Variants in BTBD16 observed in about 807,000 individuals in gnomAD.
BTBD16 encodes BTB/POZ domain-containing protein 16.
Under a neutral mutation model 67.4 loss-of-function variants are expected in BTBD16, and 66 were observed. The ratio of observed to expected loss-of-function variants is 0.98; its 90% CI spans 0.80 to 1.20. BTBD16 has a LOEUF of 1.20. Ranked by LOEUF, BTBD16 falls within the 50% of genes most tolerant of loss-of-function variation. The pLI, the probability that BTBD16 is intolerant of heterozygous loss-of-function variation, is 0.00. For missense variants in BTBD16, 634 were observed against 616.0 expected (o/e 1.03, Z -0.31); for synonymous variants, 242 against 236.4 (o/e 1.02, Z -0.22).
intron 9 of BTBD16, among the ~76,000 whole-genome samples, chr10:122,304,940 C>T (rs1446161182): frequency 6.6e-6 from 1 of 152,126 alleles, no homozygotes; most frequent in African/African-American, 2.4e-5. Flanking sequence ...TAGGACCTGA[C>T]CCTGCCACAT....
chr10:122,283,616 G>T (rs768931975), intron 3 of BTBD16, among the ~76,000 whole-genome samples: 1 of 152,106 alleles, frequency 6.6e-6, no homozygotes, highest in South Asian at 2.1e-4. Flanking sequence ...ATATCTCCTC[G>T]GTAAGGCCTA....
intron 10 of BTBD16, among the ~76,000 whole-genome samples, chr10:122,320,599 C>A (rs1250025367): frequency 6.6e-6 from 1 of 152,020 alleles, no homozygotes; most frequent in African/African-American, 2.4e-5. Context: ...AAAATACTTT[C>A]TAATTTTCCC....
rs775870621 is a variant in BTBD16 at position 122,299,108 on chromosome 10, G to C, written c.765G>C (p.Leu255=). The change falls in exon 9 of 16, where the codon CTG becomes CTC. Residue 255 remains leucine (L), a synonymous_variant. Transcript: ENST00000260723. The part of the protein sequence containing the change: ...QIHLHKIPQD[L]LHKVLKSPRL... ...ACCTCCACAAAATCCCACAGGACCT[G>C]CTCCACAAAGTGCTGAAGTCCCCCA... 23 of 1,613,846 alleles carry C rather than the reference G, an allele frequency of 1.4e-5. No individual in the cohort carries two copies. In the East Asian group the frequency reaches 4.9e-4, roughly 34 times the overall value.
intron 10 of BTBD16, among the ~76,000 whole-genome samples, chr10:122,323,862 C>T (rs1363944790): frequency 6.6e-6 from 1 of 152,114 alleles, no homozygotes; most frequent in Non-Finnish European, 1.5e-5. Context: ...TGACCTTGGT[C>T]TTCTAGGTCT....
intron 3 of BTBD16, among the ~76,000 whole-genome samples, chr10:122,280,730 C>T (rs969171257): frequency 2.6e-5 from 4 of 152,034 alleles, no homozygotes; most frequent in Non-Finnish European, 2.9e-5. Context: ...GATGTTTATT[C>T]TGGAACAGGC....
intron 7 of BTBD16, chr10:122,294,004 C>A: frequency 2.6e-6 from 1 of 380,634 alleles, no homozygotes; most frequent in Non-Finnish European, 3.6e-6. Flanking sequence ...AATGCCAGAG[C>A]AGGAGGGGCT....
At chr10:122,280,482 G>A (rs184755024) in intron 3 of BTBD16, among the ~76,000 whole-genome samples, 15 of 152,178 alleles carry the variant, frequency 9.9e-5, no homozygotes, top group Admixed American at 9.8e-4. Flanking sequence ...CTTTCTGCCC[G>A]CAATGCCAAG....
chr10:122,298,558 G>C (rs1469357737), intron 8 of BTBD16, among the ~76,000 whole-genome samples: 1 of 152,156 alleles, frequency 6.6e-6, no homozygotes, highest in African/African-American at 2.4e-5. Flanking sequence ...TTCAATTCCT[G>C]CTTTTTGGGT....
chr10:122,307,353 A>G, intron 10 of BTBD16, 45 bp downstream of exon 10: 1 of 1,546,146 alleles, frequency 6.5e-7, no homozygotes, highest in Non-Finnish European at 8.8e-7. Context: ...AAATACTGAA[A>G]TGTACAAACA....
chr10:122,335,925 G>A (rs1199917975), intron 14 of BTBD16, among the ~76,000 whole-genome samples: 2 of 152,132 alleles, frequency 1.3e-5, no homozygotes, highest in African/African-American at 4.8e-5. Flanking sequence ...CTGCAGTGCA[G>A]TGGCACAATC....
chr10:122,315,428 G>A (rs1397123637), intron 10 of BTBD16, among the ~76,000 whole-genome samples: 3 of 152,042 alleles, frequency 2.0e-5, no homozygotes, highest in Non-Finnish European at 4.4e-5. Flanking sequence ...TAGAATTTTT[G>A]CCTATATATT....
At chr10:122,312,100 A>G (rs60588091) in intron 10 of BTBD16, among the ~76,000 whole-genome samples, 2,012 of 152,310 alleles carry the variant, frequency 0.013, 29 homozygotes, top group South Asian at 0.048. Context: ...GGTACACATA[A>G]TTATGTGCTT....
intron 4 of BTBD16, 134 bp downstream of exon 4, chr10:122,284,058 C>A (rs1378012732): frequency 6.0e-6 from 4 of 661,426 alleles, no homozygotes; most frequent in Non-Finnish European, 2.7e-6. Flanking sequence ...CACTTCCCAG[C>A]GTCTAAGAAA....
At chr10:122,320,927 C>T (rs1037605738) in intron 10 of BTBD16, among the ~76,000 whole-genome samples, 3 of 152,034 alleles carry the variant, frequency 2.0e-5, no homozygotes, top group African/African-American at 7.2e-5. Context: ...ACATGATGCT[C>T]AGGTGCGGTA....
In BTBD16 at chr10:122,281,750, C is replaced by T. The variant is rs534768561; in HGVS notation, c.168-2101C>T. ...GAAGGACTGGGGTCCAGCCCCAGGT[C>T]TATGTAACTCTTCCTAGTTAATCAA... On this transcript the variant is annotated intron_variant, in intron 3 of 15. Coordinates refer to ENST00000260723, the MANE Select transcript of BTBD16 (RefSeq NM_144587.5). Among the ~76,000 whole-genome samples the T allele has an allele frequency of 6.6e-5, 10 of 152,352 alleles. No individual in the cohort carries two copies. In the South Asian group the frequency reaches 2.1e-3, roughly 32 times the overall value.
chr10:122,318,974 G>T (rs2096431004), intron 10 of BTBD16, among the ~76,000 whole-genome samples: 1 of 152,154 alleles, frequency 6.6e-6, no homozygotes, highest in Non-Finnish European at 1.5e-5. Flanking sequence ...CATTTCCCCA[G>T]TGACTAAGGA....
chr10:122,328,798 G>A (rs1300044215), intron 10 of BTBD16: 20 of 985,266 alleles, frequency 2.0e-5, no homozygotes, highest in South Asian at 4.7e-5. Flanking sequence ...CTGTGTGTGC[G>A]TGTCTTCTCA....
chr10:122,294,505 G>C (rs1224636033), intron 7 of BTBD16, among the ~76,000 whole-genome samples: 1 of 152,250 alleles, frequency 6.6e-6, no homozygotes, highest in Non-Finnish European at 1.5e-5. Context: ...AGCAGGGATT[G>C]TGGCTGTCAC....
chr10:122,289,301 G>C (rs1269464695), intron 5 of BTBD16, among the ~76,000 whole-genome samples: 1 of 152,184 alleles, frequency 6.6e-6, no homozygotes, highest in Non-Finnish European at 1.5e-5. Flanking sequence ...AATGCAGTGT[G>C]AGCATCAGTT....
Sources: gnomAD v4.1 joint callset for allele counts (sites outside exome capture counted in the v4.1 genomes callset) on GRCh38, gnomAD v4.1.1 for gene constraint, MANE v1.5 for transcripts, NCBI Gene and HGNC (gene_info 2026-07-23, HGNC 2026-07-21) for gene names.